Variants in ANK2 observed in about 807,000 individuals in gnomAD.
ANK2 encodes ankyrin 2.
In ANK2, 83 loss-of-function variants were observed where a neutral mutation model predicts 360.5. The ratio of observed to expected loss-of-function variants is 0.23; its 90% CI spans 0.19 to 0.28. The LOEUF (loss-of-function observed/expected upper bound fraction) is 0.28, where lower values mean the gene tolerates loss of function less well. Among genes scored for constraint, ANK2 ranks in the 10% least tolerant of loss-of-function variants. The pLI, the probability that ANK2 is intolerant of heterozygous loss-of-function variation, is 1.00. For missense variants in ANK2, 4,201 were observed against 4,795.7 expected (o/e 0.88, Z 3.66); for synonymous variants, 1,740 against 1,759.5 (o/e 0.99, Z 0.28).
At chr4:112,729,867 G>T in the ANK2 span, among the ~76,000 whole-genome samples, 1 of 152,026 alleles carries the variant, frequency 6.6e-6, no homozygotes, top group African/African-American at 2.4e-5. Context: ...AATGAACTTA[G>T]AGGGTACTAT....
intron 2 of ANK2, among the ~76,000 whole-genome samples, chr4:113,194,797 C>T (rs897102201): frequency 6.6e-6 from 1 of 152,024 alleles, no homozygotes; most frequent in Admixed American, 6.6e-5. Flanking sequence ...AAACTAAGTA[C>T]ATATTATTTT....
intron 7 of ANK2, among the ~76,000 whole-genome samples, chr4:113,239,258 A>C (rs924657586): frequency 3.3e-5 from 5 of 152,122 alleles, no homozygotes; most frequent in Non-Finnish European, 7.4e-5. Flanking sequence ...CTAAGTAAGA[A>C]ATTATTTGTA....
At chr4:113,045,624 C>A (rs1463491697), upstream of ANK2, among the ~76,000 whole-genome samples, 1 of 152,134 alleles carries the variant, frequency 6.6e-6, no homozygotes, top group African/African-American at 2.4e-5. Context: ...CTTATAGGTA[C>A]TTGAATTATA....
At chr4:113,046,447 C>T (rs313937), upstream of ANK2, among the ~76,000 whole-genome samples, 75,901 of 151,838 alleles carry the variant, frequency 0.5, 19,029 homozygotes, top group Non-Finnish European at 0.53. Flanking sequence ...TGTTAGGGAA[C>T]TGGGCCTTTA....
chr4:112,964,197 C>CATCT (rs1177568123), intron 2 of ANK2, among the ~76,000 whole-genome samples: 2 of 149,488 alleles, frequency 1.3e-5, no homozygotes, highest in Admixed American at 6.8e-5. Context: ...AAAAGTGAGG[C>CATCT]ATCTATCCCC....
the ANK2 span, among the ~76,000 whole-genome samples, chr4:112,766,833 G>A: frequency 6.6e-6 from 1 of 152,128 alleles, no homozygotes; most frequent in Non-Finnish European, 1.5e-5. Context: ...CCCAAGACAG[G>A]AATTGAGTTA....
At chr4:113,137,260 T>C (rs1182410903) in intron 1 of ANK2, among the ~76,000 whole-genome samples, 2 of 152,212 alleles carry the variant, frequency 1.3e-5, no homozygotes, top group African/African-American at 2.4e-5. Context: ...ACCAGTAAAC[T>C]CTTTAGGAGA....
intron 2 of ANK2, among the ~76,000 whole-genome samples, chr4:113,000,860 A>G (rs538449198): frequency 3.3e-5 from 5 of 151,710 alleles, no homozygotes; most frequent in South Asian, 4.2e-4. Context: ...TACCCAAACC[A>G]TCATCACTGG....
At chr4:113,313,588 T>G (rs2081211735) in intron 24 of ANK2, 1 of 152,652 alleles carries the variant, frequency 6.6e-6, no homozygotes, top group Non-Finnish European at 1.5e-5. Flanking sequence ...TCTTCTTTTA[T>G]TTTTAATTTT....
At chr4:113,229,834 C>T (rs369223872) in intron 4 of ANK2, among the ~76,000 whole-genome samples, 55 of 152,292 alleles carry the variant, frequency 3.6e-4, no homozygotes, top group African/African-American at 9.9e-4. Flanking sequence ...GCTGATCTGG[C>T]GACCTCTGCC....
the ANK2 span, among the ~76,000 whole-genome samples, chr4:112,807,520 T>C: frequency 1.3e-5 from 2 of 152,176 alleles, no homozygotes; most frequent in African/African-American, 2.4e-5. Flanking sequence ...TTTATCCATG[T>C]TTTTAGAAAG....
chr4:113,078,538 C>A (rs936526663), intron 1 of ANK2, among the ~76,000 whole-genome samples: 10 of 152,122 alleles, frequency 6.6e-5, no homozygotes, highest in African/African-American at 2.2e-4. Context: ...CCAAAATTAA[C>A]CTGAAATCTC....
Position 113,367,586 on chromosome 4 carries a change from G to A in ANK2, c.11053G>A (p.Glu3685Lys). 1.2e-6 allele frequency: 2 copies of A among 1,613,620 alleles called. No homozygotes were observed. Among genetic ancestry groups the A allele is most frequent in the South Asian group, 1.1e-5 (1 of 91,028 alleles). Residue 3685 changes from glutamate (E) to lysine (K), a missense_variant, in exon 42 of 46, where the codon GAG becomes AAG. Physicochemically the swap from Glu to Lys is moderately conservative, Grantham distance 56. Coordinates refer to ENST00000357077, the MANE Select transcript of ANK2 (RefSeq NM_001148.6). ...TTTAGGGTTCTCGGTACTTCAAGAG[G>A]AGTTATGCACTGCACAGCACAAGCA... ...HSEGFSVLQE[E>K]LCTAQHKQKE...
At chr4:112,963,482 A>C (rs184883539) in intron 2 of ANK2, among the ~76,000 whole-genome samples, 1 of 152,262 alleles carries the variant, frequency 6.6e-6, no homozygotes, top group Non-Finnish European at 1.5e-5. Flanking sequence ...AAATTACAGA[A>C]ATAATTTATT....
chr4:112,773,920 A>T, the ANK2 span, among the ~76,000 whole-genome samples: 5 of 151,548 alleles, frequency 3.3e-5, 1 homozygote, highest in Non-Finnish European at 7.4e-5. Flanking sequence ...CCTGCCTCAG[A>T]CTCCCAAGTA....
intron 1 of ANK2, among the ~76,000 whole-genome samples, chr4:113,146,170 C>T (rs986214656): frequency 6.6e-6 from 1 of 152,092 alleles, no homozygotes; most frequent in African/African-American, 2.4e-5. Flanking sequence ...CTTTTGCTTC[C>T]TCTTCATGTT....
chr4:113,180,879 T>A (rs945595346), intron 2 of ANK2, among the ~76,000 whole-genome samples: 1 of 152,174 alleles, frequency 6.6e-6, no homozygotes, highest in African/African-American at 2.4e-5. Context: ...AAGCAAAAGG[T>A]GATGTTTCCA....
chr4:112,880,117 G>A (rs2076310259), intron 1 of ANK2, among the ~76,000 whole-genome samples: 2 of 151,676 alleles, frequency 1.3e-5, no homozygotes, highest in Admixed American at 6.6e-5. Flanking sequence ...GCTTTATAGA[G>A]GTAAAAAGTA....
chr4:112,996,186 C>T (rs1367858420), intron 2 of ANK2, among the ~76,000 whole-genome samples: 2 of 152,072 alleles, frequency 1.3e-5, no homozygotes, highest in African/African-American at 4.8e-5. Context: ...TAAAATGAAT[C>T]TGTGTTGTAT....
Sources: allele counts gnomAD v4.1 joint callset (sites outside exome capture counted in the v4.1 genomes callset), GRCh38; gene constraint gnomAD v4.1.1; transcripts MANE v1.5; gene names NCBI Gene and HGNC (gene_info 2026-07-23, HGNC 2026-07-21).